DPP10: variants seen among roughly 807,000 people sequenced by gnomAD.
The protein encoded by DPP10 is dipeptidyl peptidase like 10, also known as inactive dipeptidyl peptidase 10.
DPP10 carries 33 observed loss-of-function variants against 120.9 expected under a neutral mutation model. The ratio of observed to expected loss-of-function variants is 0.27; its 90% confidence interval spans 0.21 to 0.37. DPP10 has a LOEUF of 0.37. DPP10 is among the 10% of genes least tolerant of loss of function. The pLI, the probability that DPP10 is intolerant of heterozygous loss-of-function variation, is 1.00. For synonymous variants in DPP10, 337 were observed against 326.1 expected (o/e 1.03, Z -0.36); for missense variants, 816 against 942.8 (o/e 0.87, Z 1.76).
chr2:114,985,471 C>T (rs1183221079), intron 1 of DPP10, among the ~76,000 whole-genome samples: 1 of 152,170 alleles, frequency 6.6e-6, no homozygotes, highest in Non-Finnish European at 1.5e-5. Context: ...GTAAGCTTTA[C>T]CAGAACAGCA....
At chr2:115,264,323 T>G (rs2059374119) in intron 1 of DPP10, among the ~76,000 whole-genome samples, 1 of 152,226 alleles carries the variant, frequency 6.6e-6, no homozygotes, top group Admixed American at 6.5e-5. Context: ...AATGTGTCCC[T>G]GCTTTGGGCT....
intron 1 of DPP10, among the ~76,000 whole-genome samples, chr2:114,614,645 A>T (rs1275602058): frequency 6.6e-6 from 1 of 152,154 alleles, no homozygotes; most frequent in African/African-American, 2.4e-5. Context: ...TTTAAGTCAG[A>T]TTTTATTATA....
intron 1 of DPP10, among the ~76,000 whole-genome samples, chr2:115,245,367 T>C (rs1324201071): frequency 6.6e-6 from 1 of 151,510 alleles, no homozygotes; most frequent in African/African-American, 2.4e-5. Flanking sequence ...CCAACAAACA[T>C]ATGAAAAAAA....
Position 115,248,128 on chromosome 2 carries a change from T to A in DPP10, c.61-61111T>A, listed in dbSNP as rs183504146. Among the ~76,000 whole-genome samples, 217 of 152,298 alleles carry A rather than the reference T, an allele frequency of 1.4e-3. 1 individual carries two copies. Among genetic ancestry groups the A allele is most frequent in the African/African-American group, 4.7e-3 (194 of 41,574 alleles). ...TCCATTAGGAGGAATTTCTGTATAATCTCACTAAAGACACCATGAAGATTT... is the reference window on the plus strand; with the variant it reads ...TCCATTAGGAGGAATTTCTGTATAAACTCACTAAAGACACCATGAAGATTT... On this transcript the variant is annotated intron_variant, in intron 1 of 25. Transcript: ENST00000410059.
At chr2:115,794,945 T>A (rs936326043) in intron 19 of DPP10, among the ~76,000 whole-genome samples, 15 of 152,148 alleles carry the variant, frequency 9.9e-5, no homozygotes, top group Admixed American at 9.2e-4. Flanking sequence ...TATGGGGAGA[T>A]AACAAGATTG....
intron 1 of DPP10, among the ~76,000 whole-genome samples, chr2:115,150,479 G>T (rs1247039750): frequency 1.3e-5 from 2 of 152,122 alleles, no homozygotes; most frequent in East Asian, 3.9e-4. Context: ...AGAAAAAAAA[G>T]TAACTATACA....
intron 1 of DPP10, among the ~76,000 whole-genome samples, chr2:115,153,605 T>C (rs2051706906): frequency 6.6e-6 from 1 of 152,160 alleles, no homozygotes; most frequent in East Asian, 1.9e-4. Context: ...GATATCTAAC[T>C]CTCTATCTAG....
chr2:115,357,732 G>A (rs1282795521), intron 3 of DPP10, among the ~76,000 whole-genome samples: 1 of 152,182 alleles, frequency 6.6e-6, no homozygotes, highest in African/African-American at 2.4e-5. Context: ...TCTCTATGAG[G>A]ACTCCACCCC....
intron 1 of DPP10, among the ~76,000 whole-genome samples, chr2:115,214,704 T>A (rs1184616289): frequency 3.9e-5 from 6 of 152,196 alleles, no homozygotes; most frequent in Non-Finnish European, 7.3e-5. Context: ...CTTATATCAT[T>A]CTTAATGTGA....
rs1006509573 is a variant in DPP10 at position 114,848,688 on chromosome 2, C to T, written c.60+405850C>T. 3.9e-5 allele frequency among the ~76,000 whole-genome samples: 6 copies of T among 152,258 alleles called. No individual in the cohort carries two copies. In the East Asian group the frequency reaches 1.2e-3, roughly 29 times the overall value. ...AACATGCCTCAGTGATTTCACAAGGCTTGGCTTATCAGAGGTTTGTTTGAT... is the reference window on the plus strand; with the variant it reads ...AACATGCCTCAGTGATTTCACAAGGTTTGGCTTATCAGAGGTTTGTTTGAT... On this transcript the variant is annotated intron_variant, in intron 1 of 25. Coordinates refer to ENST00000410059, the MANE Select transcript of DPP10 (RefSeq NM_020868.6).
chr2:114,897,946 C>T (rs1259626832), intron 1 of DPP10, among the ~76,000 whole-genome samples: 1 of 152,108 alleles, frequency 6.6e-6, no homozygotes, highest in African/African-American at 2.4e-5. Context: ...GTGGCAATTC[C>T]TCAGGGATCT....
chr2:115,653,444 C>T (rs1039541651), intron 5 of DPP10, among the ~76,000 whole-genome samples: 9 of 151,984 alleles, frequency 5.9e-5, no homozygotes, highest in Admixed American at 1.3e-4. Flanking sequence ...CTGCCATCTA[C>T]ATTAAAAATG....
chr2:115,391,718 C>T (rs2067329752), intron 3 of DPP10, among the ~76,000 whole-genome samples: 1 of 151,780 alleles, frequency 6.6e-6, no homozygotes, highest in South Asian at 2.1e-4. Flanking sequence ...GTCCAAGATT[C>T]ATTTCATTAA....
At chr2:114,647,577 C>T (rs7580045) in intron 1 of DPP10, among the ~76,000 whole-genome samples, 50,854 of 151,598 alleles carry the variant, frequency 0.34, 11,093 homozygotes, top group African/African-American at 0.62. Flanking sequence ...AAAAGGAAAA[C>T]AGAAGTACAT....
At chr2:115,074,203 A>G (rs886520405) in intron 1 of DPP10, among the ~76,000 whole-genome samples, 1 of 152,058 alleles carries the variant, frequency 6.6e-6, no homozygotes, top group Non-Finnish European at 1.5e-5. Context: ...TTTTTCAGAA[A>G]TAAGGAATCT....
chr2:114,641,457 A>G (rs888324921), intron 1 of DPP10, among the ~76,000 whole-genome samples: 2 of 151,976 alleles, frequency 1.3e-5, no homozygotes, highest in Admixed American at 6.5e-5. Context: ...AACGTTATAC[A>G]CTTTTGCTAA....
chr2:115,190,930 T>C (rs1457628534), intron 1 of DPP10, among the ~76,000 whole-genome samples: 1 of 152,216 alleles, frequency 6.6e-6, no homozygotes, highest in East Asian at 1.9e-4. Flanking sequence ...CAGAAACTAC[T>C]TTGGTTTTAT....
At chr2:115,280,700 A>G (rs1033346817) in intron 1 of DPP10, among the ~76,000 whole-genome samples, 3 of 152,140 alleles carry the variant, frequency 2.0e-5, no homozygotes, top group Admixed American at 6.6e-5. Flanking sequence ...GAAAAACTCA[A>G]TTTTTCCCAT....
chr2:114,513,380 G>A (rs1196188522), intron 1 of DPP10, among the ~76,000 whole-genome samples: 2 of 151,918 alleles, frequency 1.3e-5, no homozygotes, highest in Non-Finnish European at 2.9e-5. Context: ...AATTAGCCAA[G>A]TGTGGTGGTG....
Sources: gnomAD v4.1 joint callset for allele counts (sites outside exome capture counted in the v4.1 genomes callset) on GRCh38, gnomAD v4.1.1 for gene constraint, MANE v1.5 for transcripts, NCBI Gene and HGNC (gene_info 2026-07-23, HGNC 2026-07-21) for gene names.